The following ACACA variants were observed in gnomAD, a reference collection of about 807,000 sequenced individuals.
ACACA encodes acetyl-CoA carboxylase alpha.
Under a neutral mutation model 296.1 loss-of-function variants are expected in ACACA, and 103 were observed. That is an observed-to-expected ratio of 0.35 (90% CI 0.30 to 0.41). The LOEUF (loss-of-function observed/expected upper bound fraction) is 0.41, where lower values mean the gene tolerates loss of function less well. ACACA is among the 10% of genes least tolerant of loss of function. The probability of loss-of-function intolerance (pLI) is 1.00; values close to 1 mark genes in which losing one functional copy is unlikely to be tolerated. For missense variants in ACACA, 1,554 were observed against 2,989.7 expected (o/e 0.52, Z 11.20); for synonymous variants, 953 against 1,038.6 (o/e 0.92, Z 1.58).
At chr17:37,117,294 C>T (rs903824649) in intron 50 of ACACA, among the ~76,000 whole-genome samples, 1 of 152,152 alleles carries the variant, frequency 6.6e-6, no homozygotes, top group African/African-American at 2.4e-5. Flanking sequence ...TCATTATGAT[C>T]GGCTGACACT....
intron 43 of ACACA, 114 bp from the exon 44 acceptor site, chr17:37,151,535 T>C: frequency 7.7e-7 from 1 of 1,291,510 alleles, no homozygotes; most frequent in Non-Finnish European, 1.1e-6. Flanking sequence ...TTATATTTAA[T>C]GCCAGGGCTT....
chr17:37,221,740 T>C lies in ACACA; in HGVS notation c.3667A>G (p.Thr1223Ala), dbSNP rs2079303073. 6.2e-7 allele frequency: 1 copy of C among 1,613,926 alleles called. No individual in the cohort carries two copies. The highest frequency in any genetic ancestry group is 8.5e-7 in the Non-Finnish European group (1 of 1,179,874). The change falls in exon 29 of 56, where the codon ACA (threonine) becomes GCA (alanine). Residue 1223 changes from threonine (T) to alanine (A), a missense_variant. Physicochemically the swap from Thr to Ala is moderately conservative, Grantham distance 58. Coordinates refer to ENST00000616317, the MANE Select transcript of ACACA (RefSeq NM_198834.3). The stretch of plus-strand genomic sequence containing the variant: ...CAAACTCACCTGTTTGGATGAGATG[T>C]GGGCAGCATGAACTGGAATTCCACC... ...CVVEFQFMLPTSHPNRGNIPT... is the reference protein window; with the variant it reads ...CVVEFQFMLPASHPNRGNIPT...
chr17:37,217,029 G>A (rs979957831), intron 29 of ACACA, among the ~76,000 whole-genome samples: 5 of 151,846 alleles, frequency 3.3e-5, no homozygotes, highest in East Asian at 1.9e-4. Context: ...TTGGGAGGCC[G>A]AGGCAGGTAG....
At chr17:37,219,540 G>C (rs2145621710) in intron 29 of ACACA, among the ~76,000 whole-genome samples, 1 of 152,152 alleles carries the variant, frequency 6.6e-6, no homozygotes, top group Non-Finnish European at 1.5e-5. Context: ...CCCTTAGCCT[G>C]TGGCATCTGA....
intron 51 of ACACA, among the ~76,000 whole-genome samples, chr17:37,112,108 G>A (rs1454073115): frequency 1.4e-5 from 2 of 146,818 alleles, no homozygotes; most frequent in Non-Finnish European, 3.0e-5. Flanking sequence ...ACAGCTGTCA[G>A]TCTGCTTGTA....
chr17:37,260,653 T>C lies in ACACA; in HGVS notation c.1330-1123A>G, dbSNP rs1319240252. 3.9e-5 allele frequency among the ~76,000 whole-genome samples: 6 copies of C among 152,268 alleles called. No homozygotes were observed. The South Asian group carries it at 1.2e-3, about 32-fold the overall frequency. ...TGTCTCATTCTCTATTCCTGGCTTTTTCCTTCTTATTCATTGGAACATAGT... is the reference window on the plus strand; with the variant it reads ...TGTCTCATTCTCTATTCCTGGCTTTCTCCTTCTTATTCATTGGAACATAGT... On this transcript the variant is annotated intron_variant, in intron 11 of 55. Transcript: ENST00000616317.
chr17:37,172,216 C>G (rs546443949), intron 41 of ACACA, among the ~76,000 whole-genome samples: 2 of 152,124 alleles, frequency 1.3e-5, no homozygotes, highest in Non-Finnish European at 2.9e-5. Flanking sequence ...TTGAAAGAAA[C>G]TGAGGAGCCC....
intron 50 of ACACA, among the ~76,000 whole-genome samples, chr17:37,116,165 GTATTTTTT>G: frequency 6.6e-6 from 1 of 151,618 alleles, no homozygotes; most frequent in Non-Finnish European, 1.5e-5. Context: ...GCTAATTTTT[GTATTTTTT>G]GTAGAGACGG....
Position 37,097,814 on chromosome 17 carries a change from C to A in ACACA, c.6720+16G>T, listed in dbSNP as rs779583832. On this transcript the variant is annotated intron_variant, in intron 53 of 55. Transcript: ENST00000616317. This position sits in a 1 kb window ranked among gnomAD's most constrained non-coding sequence, Gnocchi z 4.8. ...CATGTGGGCCTCTGACAAGAAGTGG[C>A]AACCATTGTACTTACGCTAATAACA... is the stretch of plus-strand genomic sequence containing the variant. 14 of 1,613,510 alleles carry A rather than the reference C, an allele frequency of 8.7e-6. No individual in the cohort carries two copies. The African/African-American group carries it at 1.9e-4, about 22-fold the overall frequency.
intron 44 of ACACA, among the ~76,000 whole-genome samples, chr17:37,150,224 G>A (rs900089382): frequency 1.4e-4 from 22 of 152,126 alleles, no homozygotes; most frequent in Middle Eastern, 3.2e-3. Flanking sequence ...TGAGGTGGGC[G>A]GATCACTTGA....
At chr17:37,167,563 C>T (rs549750840) in intron 41 of ACACA, among the ~76,000 whole-genome samples, 12 of 152,030 alleles carry the variant, frequency 7.9e-5, no homozygotes, top group Non-Finnish European at 1.5e-4. Flanking sequence ...AGGTGATCCA[C>T]CTGCCTCGGC....
chr17:37,178,970 T>C (rs578184567), intron 41 of ACACA, among the ~76,000 whole-genome samples: 23 of 152,304 alleles, frequency 1.5e-4, no homozygotes, highest in African/African-American at 5.1e-4. Flanking sequence ...AAGCAAATCA[T>C]TGCATCTGTA....
chr17:37,215,631 C>A (rs957037488), intron 29 of ACACA, among the ~76,000 whole-genome samples: 2 of 152,084 alleles, frequency 1.3e-5, no homozygotes, highest in Non-Finnish European at 2.9e-5. Context: ...ATGCCCAAAG[C>A]TTAGTGAAAT....
chr17:37,276,915 A>G, intron 7 of ACACA, 118 bp downstream of exon 7: 1 of 903,662 alleles, frequency 1.1e-6, no homozygotes, highest in Non-Finnish European at 1.9e-6. Flanking sequence ...GATTGAGGGA[A>G]AAAAAAAGAG....
At chr17:37,348,930 CAG>C (rs1294221584) in intron 1 of ACACA, among the ~76,000 whole-genome samples, 4 of 128,184 alleles carry the variant, frequency 3.1e-5, no homozygotes, top group African/African-American at 1.2e-4. Flanking sequence ...GCCTGGGCGA[CAG>C]AGTGAGACTC....
At chr17:37,237,785 G>A (rs576394917) in intron 24 of ACACA, among the ~76,000 whole-genome samples, 2 of 151,924 alleles carry the variant, frequency 1.3e-5, no homozygotes, top group Admixed American at 1.3e-4. Flanking sequence ...TTTGGAGACT[G>A]TGTCCTGCTC....
intron 25 of ACACA, among the ~76,000 whole-genome samples, chr17:37,232,430 G>T (rs2079904115): frequency 6.6e-6 from 1 of 152,168 alleles, no homozygotes; most frequent in African/African-American, 2.4e-5. Flanking sequence ...TCCGAGGAAA[G>T]AATAATCCAA....
intron 3 of ACACA, among the ~76,000 whole-genome samples, chr17:37,308,895 C>A (rs761591901): frequency 6.6e-6 from 1 of 152,112 alleles, no homozygotes; most frequent in Non-Finnish European, 1.5e-5. Flanking sequence ...CAAGATTGCG[C>A]TACTGCCCTC....
chr17:37,127,909 C>T (rs957252121), intron 47 of ACACA, among the ~76,000 whole-genome samples: 1 of 134,902 alleles, frequency 7.4e-6, no homozygotes, highest in African/African-American at 2.8e-5. Flanking sequence ...TAGTTCTTAT[C>T]ATAATCATGG....
Sources: allele counts gnomAD v4.1 joint callset (sites outside exome capture counted in the v4.1 genomes callset), GRCh38; gene constraint gnomAD v4.1.1; non-coding constraint Gnocchi (gnomAD v3.1); transcripts MANE v1.5; gene names NCBI Gene and HGNC (gene_info 2026-07-23, HGNC 2026-07-21).